The following CCDC171 variants were observed in gnomAD, a reference collection of about 807,000 sequenced individuals.
The protein encoded by CCDC171 is coiled-coil domain containing 171.
Under a neutral mutation model 168.2 loss-of-function variants are expected in CCDC171, and 177 were observed. The observed-to-expected ratio is 1.05, with a 90% confidence interval of 0.93 to 1.19. The LOEUF (loss-of-function observed/expected upper bound fraction) is 1.19. CCDC171 is among the 50% of genes most tolerant of loss of function. The pLI, the probability that CCDC171 is intolerant of heterozygous loss-of-function variation, is 0.00. For missense variants in CCDC171, 1,991 were observed against 1,539.0 expected (o/e 1.29, Z -4.91); for synonymous variants, 687 against 540.8 (o/e 1.27, Z -3.75).
At chr9:15,905,589 A>T (rs1324421324) in intron 24 of CCDC171, among the ~76,000 whole-genome samples, 1 of 152,214 alleles carries the variant, frequency 6.6e-6, no homozygotes, top group African/African-American at 2.4e-5. Flanking sequence ...TAAAATTGAC[A>T]TCCTAACATC....
At chr9:15,596,238 G>C (rs2131553585) in intron 6 of CCDC171, among the ~76,000 whole-genome samples, 1 of 152,048 alleles carries the variant, frequency 6.6e-6, no homozygotes, top group East Asian at 1.9e-4. Context: ...GTCCTGAATG[G>C]TATTGCCTAG....
intron 16 of CCDC171, 44 bp downstream of exon 16, chr9:15,729,842 TG>T: frequency 6.6e-7 from 1 of 1,524,522 alleles, no homozygotes; most frequent in African/African-American, 1.4e-5. Context: ...GGTTACTCAG[TG>T]TAACCATTAG....
intron 8 of CCDC171, among the ~76,000 whole-genome samples, chr9:15,665,103 T>C (rs1404614838): frequency 6.6e-6 from 1 of 152,106 alleles, no homozygotes; most frequent in Admixed American, 6.5e-5. Context: ...CCTGGAACTC[T>C]CCCAGTTTCA....
chr9:15,963,815 G>A (rs1830562610), intron 25 of CCDC171, among the ~76,000 whole-genome samples: 1 of 152,220 alleles, frequency 6.6e-6, no homozygotes. Flanking sequence ...GCCTCTGAAT[G>A]TTACCTGGGC....
At chr9:15,956,173 C>T (rs113429412) in intron 25 of CCDC171, among the ~76,000 whole-genome samples, 190 of 152,248 alleles carry the variant, frequency 1.2e-3, no homozygotes, top group African/African-American at 4.3e-3. Context: ...CACGAAAGCA[C>T]TGCTACTTGG....
intron 15 of CCDC171, 126 bp downstream of exon 15, chr9:15,728,162 C>A: frequency 1.4e-6 from 1 of 713,394 alleles, no homozygotes; most frequent in Non-Finnish European, 2.2e-6. Context: ...TAATTCAATA[C>A]CATTAATTAT....
intron 24 of CCDC171, among the ~76,000 whole-genome samples, chr9:15,906,415 C>T (rs1455196299): frequency 6.6e-6 from 1 of 152,190 alleles, no homozygotes; most frequent in Non-Finnish European, 1.5e-5. Flanking sequence ...GAACCAACAA[C>T]AAAATCCATA....
intron 21 of CCDC171, among the ~76,000 whole-genome samples, chr9:15,814,021 A>G (rs1028311746): frequency 1.6e-4 from 25 of 152,238 alleles, no homozygotes; most frequent in African/African-American, 5.1e-4. Context: ...TGGGAATACC[A>G]TGGCCCCTTG....
intron 3 of CCDC171, among the ~76,000 whole-genome samples, chr9:15,993,804 G>A (rs893695394): frequency 5.9e-5 from 9 of 152,174 alleles, no homozygotes; most frequent in African/African-American, 2.2e-4. Context: ...CTTCTCAAAA[G>A]AAGACATTCA....
chr9:15,603,004 C>T (rs753808761), intron 6 of CCDC171, among the ~76,000 whole-genome samples: 6 of 151,786 alleles, frequency 4.0e-5, no homozygotes, highest in East Asian at 1.9e-4. Context: ...TTTTTTGAGA[C>T]GGAGTCTCAC....
At chr9:16,005,128 T>C (rs931318869) in intron 3 of CCDC171, among the ~76,000 whole-genome samples, 2 of 152,200 alleles carry the variant, frequency 1.3e-5, no homozygotes. Context: ...AACTTTCTTA[T>C]CAACCCGAAA....
At chr9:15,822,759 T>C (rs577867744) in intron 21 of CCDC171, among the ~76,000 whole-genome samples, 136 of 152,224 alleles carry the variant, frequency 8.9e-4, no homozygotes, top group Non-Finnish European at 6.3e-4. Flanking sequence ...AGTTCAACCA[T>C]TGTGGAAGTC....
Position 15,812,285 on chromosome 9 carries a change from A to G in CCDC171, c.3267+27591A>G, listed in dbSNP as rs116097623. On this transcript the variant is annotated intron_variant, in intron 21 of 25. Transcript: ENST00000380701. ...AAACCACCATTAAGTTCAAGTTCACATGCTATGCCTATTGCACACTCATAT... is the reference window on the plus strand; with the variant it reads ...AAACCACCATTAAGTTCAAGTTCACGTGCTATGCCTATTGCACACTCATAT... Among the ~76,000 whole-genome samples, 1,509 of 152,314 alleles carry G rather than the reference A, an allele frequency of 9.9e-3. 27 individuals carry two copies. Among genetic ancestry groups the G allele is most frequent in the African/African-American group, 0.035 (1,444 of 41,558 alleles).
At chr9:15,856,712 A>G (rs1171404320) in intron 23 of CCDC171, among the ~76,000 whole-genome samples, 2 of 152,000 alleles carry the variant, frequency 1.3e-5, no homozygotes, top group Admixed American at 6.6e-5. Flanking sequence ...CTTCTTTTAG[A>G]TAAATACCCA....
At chr9:16,001,599 A>G (rs192482884) in intron 3 of CCDC171, among the ~76,000 whole-genome samples, 26 of 152,198 alleles carry the variant, frequency 1.7e-4, no homozygotes, top group African/African-American at 6.0e-4. Context: ...TGAACCGCAT[A>G]TATGATGGTG....
intron 6 of CCDC171, among the ~76,000 whole-genome samples, chr9:15,617,514 C>T (rs181521863): frequency 6.6e-6 from 1 of 151,682 alleles, no homozygotes; most frequent in Admixed American, 6.6e-5. Flanking sequence ...GTAGCTGGGA[C>T]TACAGGTGCA....
At chr9:15,754,905 A>C (rs1228423480) in intron 18 of CCDC171, among the ~76,000 whole-genome samples, 1 of 152,192 alleles carries the variant, frequency 6.6e-6, no homozygotes, top group African/African-American at 2.4e-5. Flanking sequence ...TTTTGTAAAA[A>C]ATAAGGTCAA....
chr9:15,736,600 C>T (rs185601052), intron 16 of CCDC171, among the ~76,000 whole-genome samples: 73 of 152,280 alleles, frequency 4.8e-4, no homozygotes, highest in African/African-American at 1.7e-3. Context: ...AGTACACCTG[C>T]TTTGACCTCC....
At position 15,819,705 on chromosome 9, in the gene CCDC171, C is replaced by T. The variant is rs538675240; in HGVS notation, c.3268-26997C>T. Among the ~76,000 whole-genome samples, 16 of 117,108 alleles carry T rather than the reference C, an allele frequency of 1.4e-4. 4 individuals carry two copies. The highest frequency in any genetic ancestry group is 5.1e-4 in the African/African-American group (16 of 31,072). 76.8% of individuals were successfully genotyped at this position (117,108 alleles called of 152,430 possible). On this transcript the variant is annotated intron_variant, in intron 21 of 25. Transcript: ENST00000380701. ...ATTCATAAAGCAAGTCCTGAGTGAC[C>T]TACAAAGAGACTTAGACTCCCACAC... is the stretch of plus-strand genomic sequence containing the variant.
Sources: gnomAD v4.1 joint callset for allele counts (sites outside exome capture counted in the v4.1 genomes callset) on GRCh38, gnomAD v4.1.1 for gene constraint, MANE v1.5 for transcripts, NCBI Gene and HGNC (gene_info 2026-07-23, HGNC 2026-07-21) for gene names.